The following NFIX variants were observed in gnomAD, a reference collection of about 807,000 sequenced individuals.
NFIX encodes nuclear factor I X.
A neutral mutation model predicts 53.3 loss-of-function variants in NFIX; 2 were observed. The ratio of observed to expected loss-of-function variants is 0.04; its 90% confidence interval spans 0.02 to 0.12. The LOEUF (loss-of-function observed/expected upper bound fraction) is 0.12. Among genes scored for constraint, NFIX ranks in the 10% least tolerant of loss-of-function variants. The probability of loss-of-function intolerance (pLI) is 1.00; values close to 1 mark genes in which losing one functional copy is unlikely to be tolerated. For synonymous variants in NFIX, 244 were observed against 289.0 expected (o/e 0.84, Z 1.58); for missense variants, 310 against 674.5 (o/e 0.46, Z 5.99).
At chr19:13,071,330 C>T (rs185336438) in intron 2 of NFIX, 2 of 152,226 alleles carry the variant, frequency 1.3e-5, no homozygotes, top group Admixed American at 1.3e-4. Context: ...AGAAACCCAG[C>T]AATGGGCCAA....
rs760493118 is a variant in NFIX, at chr19:13,025,113, C to T, written c.120C>T (p.Tyr40=). 12 of 1,614,208 alleles carry T rather than the reference C, an allele frequency of 7.4e-6. No individual in the cohort carries two copies. The highest frequency in any genetic ancestry group is 1.0e-5 in the Non-Finnish European group (12 of 1,180,032). ...WFNLQARKRK[Y]FKKHEKRMSK... The stretch of plus-strand genomic sequence containing the variant: ...ACCTGCAGGCGCGGAAGCGCAAGTA[C>T]TTCAAGAAGCATGAAAAGCGGATGT... The change falls in exon 2 of 11, where the codon TAC becomes TAT. Residue 40 remains tyrosine (Y), a synonymous_variant. Transcript: ENST00000592199. The surrounding 1 kb of genome is among the most constrained non-coding windows in gnomAD (Gnocchi z 7.5).
In NFIX at chr19:13,081,720, C is replaced by A; in HGVS notation, c.1119C>A (p.Ser373=). ...RATASALHFP[S]TSIIQQSSPY... ...CAGCATCAGCCCTGCACTTCCCCTC[C>A]ACGTCCATCATCCAGCAGTCGAGCC... is the stretch of plus-strand genomic sequence containing the variant. The change falls in exon 8 of 11, where the codon TCC becomes TCA. Residue 373 remains serine, a synonymous_variant. Coordinates refer to ENST00000592199, the MANE Select transcript of NFIX (RefSeq NM_001365902.3). This position sits in a 1 kb window ranked among gnomAD's most constrained non-coding sequence, Gnocchi z 4.7. The A allele has an allele frequency of 1.2e-6, 2 of 1,613,968 alleles. No individual in the cohort carries two copies. The highest frequency in any genetic ancestry group is 1.7e-6 in the Non-Finnish European group (2 of 1,179,880).
At chr19:13,053,852 G>A (rs1328132875) in intron 2 of NFIX, among the ~76,000 whole-genome samples, 1 of 152,138 alleles carries the variant, frequency 6.6e-6, no homozygotes, top group Non-Finnish European at 1.5e-5. Context: ...GGGGTGGTGT[G>A]TGAGGACAGT....
Position 13,097,018 on chromosome 19 carries a change from G to C in NFIX, c.*2369G>C, listed in dbSNP as rs1440558688. On this transcript the variant is annotated 3_prime_UTR_variant, in exon 11 of 11. Coordinates refer to ENST00000592199, the MANE Select transcript of NFIX (RefSeq NM_001365902.3). The stretch of plus-strand genomic sequence containing the variant: ...TTTTTTTCATTGAACCAAGTGCAAT[G>C]CATCAGAGAGTTTTCCTATCTTTGT... 3.3e-5 allele frequency: 5 copies of C among 150,672 alleles called. No homozygotes were observed. The allele number at this position is 150,672 out of a possible 1,614,324, so 9.3% of individuals were successfully genotyped here. A position where few individuals can be genotyped will look rare whatever the true frequency, so the allele number is the denominator to read the frequency against.
chr19:13,024,108 AC>A, intron 1 of NFIX: 1 of 784,134 alleles, frequency 1.3e-6, no homozygotes, highest in Non-Finnish European at 1.9e-6. Context: ...AAACAAGCAA[AC>A]AACCAAAAAA....
chr19:13,019,326 C>G (rs2012834484), intron 1 of NFIX, among the ~76,000 whole-genome samples: 1 of 152,160 alleles, frequency 6.6e-6, no homozygotes, highest in South Asian at 2.1e-4. Context: ...TATTTTTCTT[C>G]AAATAATCCA....
In NFIX at chr19:13,022,577, T is replaced by G. The variant is rs1262787613; in HGVS notation, c.28-2444T>G. ...GGGGAGGAAAACTTCCACTCGCCCC[T>G]GTGTGCTCCATAGGAAGAAAAAAAA... On this transcript the variant is annotated intron_variant, in intron 1 of 10. Transcript: ENST00000592199. This position sits in a 1 kb window ranked among gnomAD's most constrained non-coding sequence, Gnocchi z 4.5. Among the ~76,000 whole-genome samples, 2 of 150,692 alleles carry G rather than the reference T, an allele frequency of 1.3e-5. No homozygotes were observed. Among genetic ancestry groups the G allele is most frequent in the Non-Finnish European group, 3.0e-5 (2 of 67,754 alleles).
chr19:13,052,654 A>T lies in NFIX; in HGVS notation c.560-20393A>T, dbSNP rs1287749045. On this transcript the variant is annotated intron_variant, in intron 2 of 10. Transcript: ENST00000592199. This position sits in a 1 kb window ranked among gnomAD's most constrained non-coding sequence, Gnocchi z 5.2. ...GTGCCCTTTCTTGGGCTGAACCTAG[A>T]GTTGTTCATAGCCTGGCCTTAACCC... is the stretch of plus-strand genomic sequence containing the variant. Among the ~76,000 whole-genome samples the T allele has an allele frequency of 6.6e-6, 1 of 152,102 alleles. No individual in the cohort carries two copies. The highest frequency in any genetic ancestry group is 1.5e-5 in the Non-Finnish European group (1 of 68,010).
At chr19:13,020,293 C>T (rs1345524120) in intron 1 of NFIX, among the ~76,000 whole-genome samples, 3 of 152,164 alleles carry the variant, frequency 2.0e-5, no homozygotes, top group Admixed American at 1.3e-4. Flanking sequence ...GGGCTGATGG[C>T]CGCCACCAGT....
intron 6 of NFIX, among the ~76,000 whole-genome samples, chr19:13,076,825 TCTC>T (rs371553331): frequency 2.2e-4 from 34 of 152,238 alleles, no homozygotes; most frequent in African/African-American, 7.5e-4. Flanking sequence ...TCTGGCAGCT[TCTC>T]CTCCTCCTGG....
Position 13,084,469 on chromosome 19 carries a change from A to C in NFIX, c.1254+2614A>C, listed in dbSNP as rs115662469. 6.8e-3 allele frequency among the ~76,000 whole-genome samples: 1,036 copies of C among 152,166 alleles called. 11 individuals are homozygous for C. The highest frequency in any genetic ancestry group is 0.015 in the African/African-American group (617 of 41,506). ...CAAAACAAAAACAAAAACAAAAAAA[A>C]CCCAGAATTTTATAGACAATTGCAG... On this transcript the variant is annotated intron_variant, in intron 8 of 10. Transcript: ENST00000592199.
chr19:13,090,215 C>A lies in NFIX; in HGVS notation c.1403-84C>A, dbSNP rs2018048407. On this transcript the variant is annotated intron_variant, in intron 9 of 10. Coordinates refer to ENST00000592199, the MANE Select transcript of NFIX (RefSeq NM_001365902.3). This position sits in a 1 kb window ranked among gnomAD's most constrained non-coding sequence, Gnocchi z 6.6. ...CAGCATGGTCTAACTCAGTCTCTCC[C>A]TCTCTCAGCAGCCCCGAGGGGCAGT... The A allele has an allele frequency of 7.7e-7, 1 of 1,298,900 alleles. No individual in the cohort carries two copies. Among genetic ancestry groups the A allele is most frequent in the South Asian group, 1.2e-5 (1 of 84,340 alleles). 80.5% of individuals were successfully genotyped at this position (1,298,900 alleles called of 1,614,324 possible).
Position 13,073,376 on chromosome 19 carries a change from C to A in NFIX, c.623-46C>A. Reference sequence around the variant, plus strand: ...AGACCTTTGGAAATAGCCAGGCAGCCCCCTTCTGGCCTTGTCTTGACTCAC... The same window carrying A: ...AGACCTTTGGAAATAGCCAGGCAGCACCCTTCTGGCCTTGTCTTGACTCAC... On this transcript the variant is annotated intron_variant, in intron 3 of 10. Transcript: ENST00000592199. This position sits in a 1 kb window ranked among gnomAD's most constrained non-coding sequence, Gnocchi z 4.5. 6.7e-7 allele frequency: 1 copy of A among 1,500,428 alleles called. No homozygotes were observed. 92.9% of individuals were successfully genotyped at this position (1,500,428 alleles called of 1,614,324 possible).
chr19:13,048,763 A>G (rs1243486756), intron 2 of NFIX, among the ~76,000 whole-genome samples: 1 of 151,930 alleles, frequency 6.6e-6, no homozygotes, highest in Non-Finnish European at 1.5e-5. Context: ...AAATCACATA[A>G]TAAAATTCAG....
In NFIX at chr19:13,022,862, G is replaced by C. The variant is rs559327021; in HGVS notation, c.28-2159G>C. On this transcript the variant is annotated intron_variant, in intron 1 of 10. Transcript: ENST00000592199. The surrounding 1 kb of genome is among the most constrained non-coding windows in gnomAD (Gnocchi z 4.5). ...GGTGGCTGCTGCCAAATGGACCCGAGTGGGAGCCTGGAATGAAAAATTCAT... is the reference window on the plus strand; with the variant it reads ...GGTGGCTGCTGCCAAATGGACCCGACTGGGAGCCTGGAATGAAAAATTCAT... 1.6e-4 allele frequency among the ~76,000 whole-genome samples: 25 copies of C among 151,976 alleles called. No homozygotes were observed. Among genetic ancestry groups the C allele is most frequent in the African/African-American group, 5.8e-4 (24 of 41,468 alleles).
intron 1 of NFIX, among the ~76,000 whole-genome samples, chr19:12,997,729 C>A (rs533794301): frequency 6.6e-6 from 1 of 152,212 alleles, no homozygotes; most frequent in Non-Finnish European, 1.5e-5. Flanking sequence ...CCTGCTCCCC[C>A]ATGGCTTGGG....
At chr19:13,064,325 G>A (rs1168099624) in intron 2 of NFIX, among the ~76,000 whole-genome samples, 2 of 152,232 alleles carry the variant, frequency 1.3e-5, no homozygotes, top group African/African-American at 4.8e-5. Flanking sequence ...ACGCCCATGG[G>A]CCTGTGCCTG....
intron 2 of NFIX, among the ~76,000 whole-genome samples, chr19:13,030,510 G>A (rs1599748729): frequency 6.6e-6 from 1 of 152,212 alleles, no homozygotes; most frequent in Non-Finnish European, 1.5e-5. Context: ...TCCTGTAACA[G>A]GACAGCATTT....
At position 12,996,067 on chromosome 19, in the gene NFIX, ACT is replaced by A. The variant is rs2011455086; in HGVS notation, c.27+205_27+206del. The stretch of plus-strand genomic sequence containing the variant: ...GCGTGCGACCCTGGCCACCGGGCGG[ACT>A]CCTTTTGGGGGTTCCGGGGGTGGCC... On this transcript the variant is annotated intron_variant, in intron 1 of 10. Transcript: ENST00000592199. This position sits in a 1 kb window ranked among gnomAD's most constrained non-coding sequence, Gnocchi z 5.2. Among the ~76,000 whole-genome samples the A allele has an allele frequency of 6.7e-6, 1 of 149,530 alleles. No homozygotes were observed. Among genetic ancestry groups the A allele is most frequent in the Non-Finnish European group, 1.5e-5 (1 of 67,374 alleles).
Sources: allele counts gnomAD v4.1 joint callset (sites outside exome capture counted in the v4.1 genomes callset), GRCh38; gene constraint gnomAD v4.1.1; non-coding constraint Gnocchi (gnomAD v3.1); transcripts MANE v1.5; gene names NCBI Gene and HGNC (gene_info 2026-07-23, HGNC 2026-07-21).